Variants in YIPF7 observed in about 807,000 individuals in gnomAD.
YIPF7 encodes Yip1 domain family member 7.
YIPF7 carries 35 observed loss-of-function variants against 27.2 expected under a neutral mutation model. The ratio of observed to expected loss-of-function variants is 1.29; its 90% CI spans 0.98 to 1.70. YIPF7 has a LOEUF of 1.70. Ranked by LOEUF, YIPF7 falls within the 40% of genes most tolerant of loss-of-function variation. YIPF7 has a pLI of 0.00. For missense variants in YIPF7, 358 were observed against 303.7 expected, an observed-to-expected ratio of 1.18 and a Z score of -1.33; for synonymous variants, 137 against 110.4, an observed-to-expected ratio of 1.24 and a Z score of -1.51.
chr4:44,634,946 CT>C (rs1480260534), intron 3 of YIPF7, among the ~76,000 whole-genome samples: 3 of 152,124 alleles, frequency 2.0e-5, no homozygotes, highest in African/African-American at 7.2e-5. Context: ...TGACTGGCTT[CT>C]AAAGAGCCAA....
rs371158339 is a variant in YIPF7, at chr4:44,635,929, C to A, written c.273G>T (p.Leu91Phe). 8.8e-5 allele frequency: 142 copies of A among 1,613,462 alleles called. No individual in the cohort carries two copies. Among genetic ancestry groups the A allele is most frequent in the Non-Finnish European group, 1.1e-4 (129 of 1,179,690 alleles). Reference sequence around the variant, plus strand: ...AACACTTCCTTAACTTATCTTCTAGCAAAGGAGGCTCTTCATCAAAACTGT... The same window carrying A: ...AACACTTCCTTAACTTATCTTCTAGAAAAGGAGGCTCTTCATCAAAACTGT... ...YIDSFDEEPP[L>F]LEELGIHFDH... Residue 91 changes from leucine to phenylalanine, a missense_variant, in exon 3 of 6, where the codon TTG becomes TTT. Leu to Phe is a conservative substitution (Grantham distance 22, BLOSUM62 0). Transcript: ENST00000415895.
chr4:44,632,591 C>A (rs1303325261), intron 3 of YIPF7, among the ~76,000 whole-genome samples: 3 of 152,084 alleles, frequency 2.0e-5, no homozygotes, highest in Non-Finnish European at 4.4e-5. Context: ...AAGTAGGACA[C>A]TTTTGAAACA....
intron 2 of YIPF7, among the ~76,000 whole-genome samples, chr4:44,642,143 T>C (rs1276029766): frequency 1.3e-5 from 2 of 152,166 alleles, no homozygotes; most frequent in Non-Finnish European, 2.9e-5. Context: ...AACATAACCT[T>C]CACTGTTATT....
chr4:44,647,092 C>T (rs1001527117), intron 2 of YIPF7, among the ~76,000 whole-genome samples: 3 of 152,108 alleles, frequency 2.0e-5, no homozygotes, highest in East Asian at 1.9e-4. Flanking sequence ...CAGTGTGAAT[C>T]GGAATTTAAA....
intron 4 of YIPF7, 91 bp from the exon 5 acceptor site, chr4:44,624,873 A>T (rs369845305): frequency 1.4e-5 from 17 of 1,208,700 alleles, no homozygotes; most frequent in South Asian, 9.3e-5. Flanking sequence ...TCTTAGAGTC[A>T]GTTCAGTGCT....
chr4:44,659,020 T>C (rs1213451127), intron 2 of YIPF7, among the ~76,000 whole-genome samples: 1 of 152,182 alleles, frequency 6.6e-6, no homozygotes, highest in Non-Finnish European at 1.5e-5. Flanking sequence ...ATGAAATATA[T>C]TAATCATTAC....
At chr4:44,662,172 C>A (rs7698304) in intron 1 of YIPF7, among the ~76,000 whole-genome samples, 82,931 of 151,992 alleles carry the variant, frequency 0.55, 23,577 homozygotes, top group Non-Finnish European at 0.64. Context: ...AGTATGGAAC[C>A]CTATATATAC....
chr4:44,654,856 T>C (rs1432402978), upstream of YIPF7, among the ~76,000 whole-genome samples: 1 of 152,026 alleles, frequency 6.6e-6, no homozygotes, highest in Non-Finnish European at 1.5e-5. Context: ...CTCCCACTTA[T>C]AATTCTCTTT....
chr4:44,645,740 A>C (rs1713505071), intron 2 of YIPF7, among the ~76,000 whole-genome samples: 1 of 152,200 alleles, frequency 6.6e-6, no homozygotes, highest in Non-Finnish European at 1.5e-5. Context: ...CTTTGTTAGT[A>C]AACGTCTCCT....
intron 2 of YIPF7, among the ~76,000 whole-genome samples, chr4:44,637,929 C>CT (rs1367643486): frequency 2.6e-5 from 4 of 152,074 alleles, no homozygotes; most frequent in Non-Finnish European, 5.9e-5. Context: ...TAACTCGTTC[C>CT]TTTTTATGGC....
chr4:44,642,532 A>T (rs1389597650), intron 2 of YIPF7, among the ~76,000 whole-genome samples: 3 of 152,184 alleles, frequency 2.0e-5, no homozygotes, highest in Non-Finnish European at 4.4e-5. Flanking sequence ...CCAAAGTATG[A>T]TCCAAAAAAT....
chr4:44,650,937 C>T (rs777300902), intron 1 of YIPF7, among the ~76,000 whole-genome samples: 7 of 152,116 alleles, frequency 4.6e-5, no homozygotes, highest in Admixed American at 6.5e-5. Context: ...AATAGAGAAG[C>T]GACTCTTTTC....
In YIPF7 at chr4:44,625,980, C is replaced by T. The variant is rs116372084; in HGVS notation, c.427-1198G>A. ...AGGAGAGAAGGAGCTTTTTAGCTGC[C>T]ACTTTTCCTTCTCCATGCTATTATC... On this transcript the variant is annotated intron_variant, in intron 4 of 5. Coordinates refer to ENST00000415895, the MANE Select transcript of YIPF7 (RefSeq NM_182592.3). Among the ~76,000 whole-genome samples the T allele has an allele frequency of 8.5e-3, 1,288 of 152,254 alleles. 13 individuals carry two copies. Among genetic ancestry groups the T allele is most frequent in the African/African-American group, 0.03 (1,239 of 41,540 alleles).
At chr4:44,660,719 AATTGG>A (rs1714025501) in intron 1 of YIPF7, 1 of 33,348 alleles carries the variant, frequency 3.0e-5, no homozygotes, top group East Asian at 5.5e-4. Flanking sequence ...TGGTGAATGG[AATTGG>A]TTTTTGAAAA....
At chr4:44,631,060 A>G (rs145833244) in intron 3 of YIPF7, among the ~76,000 whole-genome samples, 76 of 152,328 alleles carry the variant, frequency 5.0e-4, no homozygotes, top group Middle Eastern at 3.4e-3. Flanking sequence ...TACACAATCA[A>G]TCAGTTACTA....
intron 2 of YIPF7, among the ~76,000 whole-genome samples, chr4:44,644,940 C>T (rs1713473560): frequency 6.6e-6 from 1 of 152,246 alleles, no homozygotes; most frequent in East Asian, 1.9e-4. Flanking sequence ...TAAAGATGTG[C>T]AGCACCTCCC....
Position 44,622,419 on chromosome 4 carries a change from A to C in YIPF7, c.766T>G (p.Phe256Val). 1.2e-6 allele frequency: 2 copies of C among 1,611,076 alleles called. No homozygotes were observed. Among genetic ancestry groups the C allele is most frequent in the Non-Finnish European group, 1.7e-6 (2 of 1,178,768 alleles). ...AATGCCATCTCAAACATTCTTTAGA[A>C]AATTGTTAGGAGGGCAAAAAGTCCA... ...LYGLFALLTI[F>V] The change falls in exon 6 of 6, where the codon TTC (phenylalanine) becomes GTC (valine). Residue 256 changes from phenylalanine (F) to valine (V), a missense_variant. Phe to Val is a conservative substitution (Grantham distance 50). Coordinates refer to ENST00000415895, the MANE Select transcript of YIPF7 (RefSeq NM_182592.3).
intron 2 of YIPF7, among the ~76,000 whole-genome samples, chr4:44,657,250 T>C (rs1713925484): frequency 6.6e-6 from 1 of 152,210 alleles, no homozygotes; most frequent in Non-Finnish European, 1.5e-5. Flanking sequence ...AGCTAATGAC[T>C]TACAGCTTAG....
chr4:44,637,980 G>A (rs755269366), intron 2 of YIPF7, among the ~76,000 whole-genome samples: 2 of 151,910 alleles, frequency 1.3e-5, no homozygotes, highest in Non-Finnish European at 2.9e-5. Context: ...GAATCCACAA[G>A]GAACTCAAAC....
Sources: allele counts gnomAD v4.1 joint callset (sites outside exome capture counted in the v4.1 genomes callset), GRCh38; gene constraint gnomAD v4.1.1; transcripts MANE v1.5; gene names NCBI Gene and HGNC (gene_info 2026-07-23, HGNC 2026-07-21).